ERLEC1: variants seen among roughly 807,000 people sequenced by gnomAD.
ERLEC1 encodes the protein ER lectin.
A neutral mutation model predicts 68.0 loss-of-function variants in ERLEC1; 47 were observed. The ratio of observed to expected loss-of-function variants is 0.69; its 90% CI spans 0.55 to 0.88. The LOEUF (loss-of-function observed/expected upper bound fraction) is 0.88, where lower values mean the gene tolerates loss of function less well. Among genes scored for constraint, ERLEC1 ranks in the 40% least tolerant of loss-of-function variants. The probability of loss-of-function intolerance (pLI) is 0.00; values close to 1 mark genes in which losing one functional copy is unlikely to be tolerated. For synonymous variants in ERLEC1, 225 were observed against 203.2 expected (o/e 1.11, Z -0.91); for missense variants, 567 against 583.8 (o/e 0.97, Z 0.30).
At chr2:53,801,659 A>C in intron 7 of ERLEC1, 39 bp downstream of exon 7, 1 of 1,613,136 alleles carries the variant, frequency 6.2e-7, no homozygotes, top group African/African-American at 1.3e-5. Flanking sequence ...TAAAATGCAC[A>C]CATGCTTTAA....
At chr2:53,798,005 GCTAACACGGTGAAACCCC>G (rs1399407451) in intron 5 of ERLEC1, among the ~76,000 whole-genome samples, 1 of 152,098 alleles carries the variant, frequency 6.6e-6, no homozygotes, top group Non-Finnish European at 1.5e-5. Context: ...GACCATCCTG[GCTAACACGGTGAAACCCC>G]GTCTCTATTA....
intron 13 of ERLEC1, among the ~76,000 whole-genome samples, chr2:53,817,129 T>A (rs1676938357): frequency 7.4e-6 from 1 of 135,044 alleles, no homozygotes; most frequent in Non-Finnish European, 1.6e-5. Context: ...TGTTGTTTTT[T>A]ATTTACTTAT....
intron 6 of ERLEC1, among the ~76,000 whole-genome samples, 168 bp from the exon 7 acceptor site, chr2:53,801,229 T>TA (rs1364026467): frequency 6.6e-6 from 1 of 152,276 alleles, no homozygotes; most frequent in African/African-American, 2.4e-5. Flanking sequence ...AATAAAAACT[T>TA]ACGAATCAAA....
rs374609519 is a variant in ERLEC1 at position 53,812,486 on chromosome 2, G to T, written c.1102-463G>T. 3.7e-4 allele frequency among the ~76,000 whole-genome samples: 57 copies of T among 152,282 alleles called. 1 individual carries two copies. The highest frequency in any genetic ancestry group is 3.7e-3 in the East Asian group (19 of 5,190). ...AGTGTAAAGATCAGTATAACATTGC[G>T]TAGGATGAAGTCAGGCTGCAGTGGA... On this transcript the variant is annotated intron_variant, in intron 10 of 13. Transcript: ENST00000185150.
chr2:53,812,846 C>T, intron 10 of ERLEC1, 103 bp from the exon 11 acceptor site: 1 of 1,170,278 alleles, frequency 8.5e-7, no homozygotes, highest in Non-Finnish European at 1.2e-6. Context: ...TAGATATCCA[C>T]TGTGCAGATA....
intron 1 of ERLEC1, chr2:53,787,756 CAT>C (rs1346928545): frequency 5.4e-6 from 1 of 184,082 alleles, no homozygotes; most frequent in East Asian, 1.4e-4. Context: ...TTCAGTATTA[CAT>C]GTCACCCTGC....
chr2:53,807,688 G>C (rs1450382636), intron 8 of ERLEC1, among the ~76,000 whole-genome samples: 1 of 152,156 alleles, frequency 6.6e-6, no homozygotes, highest in Non-Finnish European at 1.5e-5. Context: ...ACAGAGCTTA[G>C]CAAGTAGCAA....
intron 13 of ERLEC1, among the ~76,000 whole-genome samples, chr2:53,816,001 C>G (rs868707488): frequency 6.6e-6 from 1 of 151,524 alleles, no homozygotes; most frequent in Non-Finnish European, 1.5e-5. Flanking sequence ...TTCTTTCTTT[C>G]TTTTTTTTAA....
At chr2:53,810,227 T>A (rs7599068) in intron 10 of ERLEC1, among the ~76,000 whole-genome samples, 204 of 152,164 alleles carry the variant, frequency 1.3e-3, no homozygotes, top group African/African-American at 4.6e-3. Context: ...CCAAACACTT[T>A]GGGGGGCCAA....
intron 5 of ERLEC1, 103 bp from the exon 6 acceptor site, chr2:53,798,944 T>C (rs1675862246): frequency 1.1e-6 from 1 of 938,758 alleles, no homozygotes; most frequent in East Asian, 2.5e-5. Flanking sequence ...GTTTTGGACC[T>C]TCTTTAGAAA....
intron 8 of ERLEC1, among the ~76,000 whole-genome samples, chr2:53,802,860 G>A (rs958100821): frequency 6.6e-6 from 1 of 152,114 alleles, no homozygotes; most frequent in African/African-American, 2.4e-5. Context: ...GCCTTTCAAA[G>A]TGCTGGGATT....
chr2:53,813,659 T>C (rs1676708648), intron 11 of ERLEC1, among the ~76,000 whole-genome samples: 1 of 152,240 alleles, frequency 6.6e-6, no homozygotes, highest in South Asian at 2.1e-4. Flanking sequence ...CTCAGTATGT[T>C]TTCAATTATT....
At chr2:53,794,769 C>G (rs1448060169) in intron 2 of ERLEC1, among the ~76,000 whole-genome samples, 1 of 152,156 alleles carries the variant, frequency 6.6e-6, no homozygotes. Flanking sequence ...ATTCTCCTGT[C>G]TCAGCCTCCC....
chr2:53,788,629 C>A (rs1048598889), intron 1 of ERLEC1: 1 of 151,834 alleles, frequency 6.6e-6, no homozygotes, highest in Non-Finnish European at 1.5e-5. Context: ...AACTCCTGGG[C>A]TCAAGCAATC....
chr2:53,813,596 T>TAA (rs1334797970), intron 11 of ERLEC1, among the ~76,000 whole-genome samples: 1 of 152,196 alleles, frequency 6.6e-6, no homozygotes, highest in African/African-American at 2.4e-5. Context: ...ACCAGTAAGT[T>TAA]AATCTCATTT....
At chr2:53,814,710 A>T in intron 12 of ERLEC1, 90 bp downstream of exon 12, 1 of 1,045,030 alleles carries the variant, frequency 9.6e-7, no homozygotes. Flanking sequence ...ATAATTATGA[A>T]TAATTATGAA....
chr2:53,813,504 C>G (rs1490789576), intron 11 of ERLEC1, among the ~76,000 whole-genome samples: 1 of 152,186 alleles, frequency 6.6e-6, no homozygotes, highest in Non-Finnish European at 1.5e-5. Context: ...TAGTAACTGG[C>G]TCAATTCTGT....
At position 53,801,780 on chromosome 2, in the gene ERLEC1, A is replaced by T. The variant is rs776285115; in HGVS notation, c.817A>T (p.Thr273Ser). ...SLPGSPFKPL[T>S]LRQLEQQEEI... Reference sequence around the variant, plus strand: ...GCCAGGATCTCCATTTAAGCCCCTCACCCTGAGGCAGCTGGAGCAGCAGGA... The same window carrying T: ...GCCAGGATCTCCATTTAAGCCCCTCTCCCTGAGGCAGCTGGAGCAGCAGGA... The change falls in exon 8 of 14, where the codon ACC (threonine) becomes TCC (serine). Residue 273 changes from threonine to serine, a missense_variant. Physicochemically the swap from Thr to Ser is moderately conservative, Grantham distance 58 (BLOSUM62 1). Transcript: ENST00000185150. 15 of 1,613,818 alleles carry T rather than the reference A, an allele frequency of 9.3e-6. No homozygotes were observed. The South Asian group carries it at 1.6e-4, about 18-fold the overall frequency.
rs369946031 is a variant in ERLEC1 at position 53,808,361 on chromosome 2, C to T, written c.942C>T (p.Gly314=). The T allele has an allele frequency of 6.2e-7, 1 of 1,614,180 alleles. No individual in the cohort carries two copies. The highest frequency in any genetic ancestry group is 1.1e-5 in the South Asian group (1 of 91,076). Residue 314 remains glycine (G), a synonymous_variant, in exon 9 of 14, where the codon GGC becomes GGT. Transcript: ENST00000185150. ...FPAIHKSIAI[G]SQPVLTVGTT... ...CGATCCACAAGTCGATTGCTATTGG[C>T]TCTCAGCCAGTGCTCACTGTTGGGA...
Sources: allele counts gnomAD v4.1 joint callset (sites outside exome capture counted in the v4.1 genomes callset), GRCh38; gene constraint gnomAD v4.1.1; transcripts MANE v1.5; gene names NCBI Gene and HGNC (gene_info 2026-07-23, HGNC 2026-07-21).